The following MMP26 variants were observed in gnomAD, a reference collection of about 807,000 sequenced individuals.
The protein encoded by MMP26 is matrix metallopeptidase 26.
Under a neutral mutation model 31.0 loss-of-function variants are expected in MMP26, and 33 were observed. The observed-to-expected ratio is 1.06, with a 90% CI of 0.81 to 1.42. The LOEUF (loss-of-function observed/expected upper bound fraction) is 1.42. Ranked by LOEUF, MMP26 falls within the 40% of genes most tolerant of loss-of-function variation. The pLI is 0.00. For synonymous variants in MMP26, 122 were observed against 114.9 expected, an observed-to-expected ratio of 1.06 and a Z score of -0.40; for missense variants, 347 against 316.1, an observed-to-expected ratio of 1.10 and a Z score of -0.74.
At chr11:4,792,609 CACT>C (rs773658272) in intron 2 of MMP26, among the ~76,000 whole-genome samples, 1 of 152,128 alleles carries the variant, frequency 6.6e-6, no homozygotes, top group African/African-American at 2.4e-5. Context: ...CAGTAGAATG[CACT>C]ACTTATCAAT....
chr11:4,871,032 T>C (rs1401847237), intron 2 of MMP26, among the ~76,000 whole-genome samples: 1 of 151,968 alleles, frequency 6.6e-6, no homozygotes, highest in Non-Finnish European at 1.5e-5. Flanking sequence ...AGAGTATAAA[T>C]TAAAGTAGGA....
intron 1 of MMP26, among the ~76,000 whole-genome samples, chr11:4,722,446 A>G (rs559437719): frequency 7.2e-6 from 1 of 138,832 alleles, no homozygotes; most frequent in South Asian, 2.3e-4. Context: ...TTGGTTTTTC[A>G]CCACCTAAGG....
At chr11:4,875,143 G>A (rs61880578) in intron 2 of MMP26, 19 of 152,058 alleles carry the variant, frequency 1.2e-4, no homozygotes, top group Non-Finnish European at 2.4e-4. Context: ...TGGAAGTACT[G>A]GAGATCATTC....
chr11:4,907,816 C>A (rs1850924100), intron 2 of MMP26: 2 of 1,613,776 alleles, frequency 1.2e-6, no homozygotes, highest in African/African-American at 2.7e-5. Context: ...TTATTTTAGC[C>A]ATTAGGAGCA....
At chr11:4,767,523 A>G (rs1403629429) in intron 2 of MMP26, among the ~76,000 whole-genome samples, 182 bp downstream of exon 2, 2 of 152,308 alleles carry the variant, frequency 1.3e-5, no homozygotes, top group East Asian at 3.9e-4. Context: ...ATATACCTAC[A>G]GTCACTGTGT....
chr11:4,950,602 C>G (rs1453861772), intron 2 of MMP26, among the ~76,000 whole-genome samples: 1 of 121,490 alleles, frequency 8.2e-6, no homozygotes, highest in African/African-American at 2.8e-5. Flanking sequence ...AACAATAGCA[C>G]AGCATGCTGA....
intron 1 of MMP26, among the ~76,000 whole-genome samples, chr11:4,735,237 C>G (rs777635751): frequency 2.6e-5 from 4 of 152,192 alleles, no homozygotes; most frequent in Non-Finnish European, 5.9e-5. Context: ...AACACATTTT[C>G]TTGAATTGTT....
At chr11:4,896,593 A>G (rs988899773) in intron 2 of MMP26, among the ~76,000 whole-genome samples, 10 of 152,192 alleles carry the variant, frequency 6.6e-5, no homozygotes, top group African/African-American at 2.4e-4. Flanking sequence ...GGCTACCAAG[A>G]AATCACTTAA....
chr11:4,816,697 C>CTTTTTT (rs747753151), intron 2 of MMP26, among the ~76,000 whole-genome samples: 5 of 79,384 alleles, frequency 6.3e-5, no homozygotes, highest in African/African-American at 1.6e-4. Context: ...TGGGTGCCTT[C>CTTTTTT]TTTTTTTTTT....
chr11:4,952,258 G>A (rs1188689271), intron 2 of MMP26, among the ~76,000 whole-genome samples: 1 of 124,460 alleles, frequency 8.0e-6, no homozygotes, highest in African/African-American at 2.7e-5. Context: ...TCTTGAATGA[G>A]ACATCTATGT....
intron 2 of MMP26, among the ~76,000 whole-genome samples, chr11:4,824,998 T>C (rs2133475454): frequency 6.6e-6 from 1 of 152,210 alleles, no homozygotes; most frequent in Non-Finnish European, 1.5e-5. Flanking sequence ...AGCTGTTTTC[T>C]CCAAAAATGT....
chr11:4,898,382 CT>C (rs1850745052), intron 2 of MMP26, among the ~76,000 whole-genome samples: 1 of 151,764 alleles, frequency 6.6e-6, no homozygotes, highest in Non-Finnish European at 1.5e-5. Flanking sequence ...TATAATGTGT[CT>C]ATGTGTTAAT....
At chr11:4,825,948 A>G (rs1175827731) in intron 2 of MMP26, among the ~76,000 whole-genome samples, 1 of 152,072 alleles carries the variant, frequency 6.6e-6, no homozygotes, top group Non-Finnish European at 1.5e-5. Context: ...TAATTTAGAG[A>G]ATTATTAACA....
intron 2 of MMP26, among the ~76,000 whole-genome samples, chr11:4,928,534 A>C (rs1414757132): frequency 3.9e-5 from 6 of 152,216 alleles, no homozygotes; most frequent in Non-Finnish European, 2.9e-5. Flanking sequence ...GTTTTCAGTA[A>C]CACAATTATT....
chr11:4,955,698 T>C, intron 2 of MMP26: 1 of 1,550,106 alleles, frequency 6.5e-7, no homozygotes. Flanking sequence ...ACATATGATG[T>C]GTTGATAATG....
intron 2 of MMP26, among the ~76,000 whole-genome samples, chr11:4,854,163 G>T (rs1047557104): frequency 2.0e-5 from 3 of 152,166 alleles, no homozygotes; most frequent in African/African-American, 7.2e-5. Context: ...CACAGAAGAC[G>T]GGTGATTTCT....
intron 2 of MMP26, among the ~76,000 whole-genome samples, chr11:4,901,646 T>A (rs1191086930): frequency 6.6e-6 from 1 of 152,166 alleles, no homozygotes; most frequent in Non-Finnish European, 1.5e-5. Flanking sequence ...CTTTAGTTTG[T>A]CTATTAACTG....
chr11:4,910,923 A>G (rs1198209851), intron 2 of MMP26, among the ~76,000 whole-genome samples: 2 of 152,188 alleles, frequency 1.3e-5, no homozygotes, highest in Non-Finnish European at 2.9e-5. Context: ...ATCATATCCA[A>G]TTGAAACATA....
At chr11:4,860,397 A>G (rs1230229909) in intron 2 of MMP26, 2 of 471,058 alleles carry the variant, frequency 4.2e-6, no homozygotes, top group African/African-American at 4.0e-5. Flanking sequence ...GCTCATGGAG[A>G]CTTGGCTCCA....
Sources: gnomAD v4.1 joint callset for allele counts (sites outside exome capture counted in the v4.1 genomes callset) on GRCh38, gnomAD v4.1.1 for gene constraint, MANE v1.5 for transcripts, NCBI Gene and HGNC (gene_info 2026-07-23, HGNC 2026-07-21) for gene names.